The following ATP4A variants were observed in gnomAD, a reference collection of about 807,000 sequenced individuals.
ATP4A encodes potassium-transporting ATPase alpha chain 1.
ATP4A carries 73 observed loss-of-function variants against 112.1 expected under a neutral mutation model. That is an observed-to-expected ratio of 0.65 (90% CI 0.54 to 0.79). The LOEUF is 0.79. ATP4A is among the 30% of genes least tolerant of loss of function. The pLI is 0.00. For missense variants in ATP4A, 1,081 were observed against 1,425.9 expected, an observed-to-expected ratio of 0.76 and a Z score of 3.90; for synonymous variants, 588 against 588.9, an observed-to-expected ratio of 1.00 and a Z score of 0.02.
Position 35,555,485 on chromosome 19 carries a change from G to A in ATP4A, c.2112C>T (p.Thr704=), listed in dbSNP as rs746652807. The change falls in exon 14 of 22, where the codon ACC becomes ACT. Residue 704 remains threonine (T), a synonymous_variant. Transcript: ENST00000262623. This position sits in a 1 kb window ranked among gnomAD's most constrained non-coding sequence, Gnocchi z 6.6. ...CGATCACCAGCTTCTGCTGGGGGCT[G>A]GTGCGCGCAAACACCATCTCGGGGT... is the stretch of plus-strand genomic sequence containing the variant. ...RTHPEMVFAR[T]SPQQKLVIVE... 6 of 1,610,922 alleles carry A rather than the reference G, an allele frequency of 3.7e-6. No individual in the cohort carries two copies. Among genetic ancestry groups the A allele is most frequent in the Middle Eastern group, 1.6e-4 (1 of 6,076 alleles).
chr19:35,557,722 G>C lies in ATP4A; in HGVS notation c.1626C>G (p.Asp542Glu), dbSNP rs773688960. The C allele has an allele frequency of 6.2e-7, 1 of 1,607,678 alleles. No individual in the cohort carries two copies. The highest frequency in any genetic ancestry group is 8.5e-7 in the Non-Finnish European group (1 of 1,177,204). The stretch of plus-strand genomic sequence containing the variant: ...TCTGGAAGGCCTCGCGCCACTGCTC[G>C]TCCAGCGGCAGCTCCTGGCCCTTGA... ...ILIKGQELPL[D>E]EQWREAFQTA... is the part of the protein sequence containing the mutation. The change falls in exon 11 of 22, where the codon GAC becomes GAG. Residue 542 changes from aspartate (D) to glutamate (E), a missense_variant. This residue lies in a region of ATP4A where 850 missense variants were observed against 1,068.2 expected (regional missense o/e 0.80). Transcript: ENST00000262623. The surrounding 1 kb of genome is among the most constrained non-coding windows in gnomAD (Gnocchi z 4.4).
intron 18 of ATP4A, 24 bp downstream of exon 18, chr19:35,553,012 TG>T (rs1336101711): frequency 1.3e-6 from 2 of 1,562,572 alleles, no homozygotes; most frequent in African/African-American, 2.7e-5. Context: ...AGCCCAGGGA[TG>T]GGATGGGGCG....
Position 35,562,559 on chromosome 19 carries a change from T to C in ATP4A, c.296A>G (p.Glu99Gly), listed in dbSNP as rs2071677409. The change falls in exon 4 of 22, where the codon GAG (glutamate) becomes GGG (glycine). Residue 99 changes from glutamate (E) to glycine (G), a missense_variant. Physicochemically the swap from Glu to Gly is moderately conservative, Grantham distance 98. Coordinates refer to ENST00000262623, the MANE Select transcript of ATP4A (RefSeq NM_000704.3). ...NALRPPRGTPEYVKFARQLAG... is the reference protein window; with the variant it reads ...NALRPPRGTPGYVKFARQLAG... ...CAGCTGCCTCGCGAACTTGACGTAC[T>C]CTGGGGTGCCCCGTGGTGGCCGCAG... is the stretch of plus-strand genomic sequence containing the variant. 6 of 1,612,956 alleles carry C rather than the reference T, an allele frequency of 3.7e-6. No homozygotes were observed. The highest frequency in any genetic ancestry group is 5.1e-6 in the Non-Finnish European group (6 of 1,179,600).
At chr19:35,552,544 G>A (rs1240225800) in intron 18 of ATP4A, among the ~76,000 whole-genome samples, 1 of 152,218 alleles carries the variant, frequency 6.6e-6, no homozygotes, top group Admixed American at 6.5e-5. Context: ...GGGTTACACA[G>A]CTTGTGAGAA....
rs200145987 is a variant in ATP4A, at chr19:35,558,339, C to T, written c.1500+23G>A. The T allele has an allele frequency of 2.2e-4, 345 of 1,599,022 alleles. 1 individual carries two copies. In the African/African-American group the frequency reaches 4.2e-3, roughly 20 times the overall value. On this transcript the variant is annotated intron_variant, in intron 10 of 21. Coordinates refer to ENST00000262623, the MANE Select transcript of ATP4A (RefSeq NM_000704.3). The surrounding 1 kb of genome is among the most constrained non-coding windows in gnomAD (Gnocchi z 5.1). ...GGGCCCGAGGTGGGCGGGCCCAGGC[C>T]GTGGGCGGGGCCGGCTGCGCACCTG...
chr19:35,560,814 C>T lies in ATP4A; in HGVS notation c.534+5G>A. On this transcript the variant is annotated splice_donor_5th_base_variant and intron_variant, in intron 5 of 21. Coordinates refer to ENST00000262623, the MANE Select transcript of ATP4A (RefSeq NM_000704.3). This position sits in a 1 kb window ranked among gnomAD's most constrained non-coding sequence, Gnocchi z 5.1. ...TCTGGAGTGGCTGGGTGCTGGGGAA[C>T]CCACCTGTGGCACAAGGTTCTTAAA... 6.2e-7 allele frequency: 1 copy of T among 1,613,242 alleles called. No homozygotes were observed. Among genetic ancestry groups the T allele is most frequent in the South Asian group, 1.1e-5 (1 of 91,046 alleles).
Position 35,557,129 on chromosome 19 carries a change from A to G in ATP4A, c.1694-41T>C, listed in dbSNP as rs1204683908. The G allele has an allele frequency of 6.2e-7, 1 of 1,606,772 alleles. No homozygotes were observed. Among genetic ancestry groups the G allele is most frequent in the Non-Finnish European group, 8.5e-7 (1 of 1,175,648 alleles). ...GAAGTCAGGGAAGAGCCCTGGGCAC[A>G]CCCTTTCTTAGCAGGGCCAGGAAAT... On this transcript the variant is annotated intron_variant, in intron 11 of 21. Coordinates refer to ENST00000262623, the MANE Select transcript of ATP4A (RefSeq NM_000704.3). This position sits in a 1 kb window ranked among gnomAD's most constrained non-coding sequence, Gnocchi z 4.4.
chr19:35,551,296 A>C lies in ATP4A; in HGVS notation c.2885+151T>G. 1 of 1,306,266 alleles carries C rather than the reference A, an allele frequency of 7.7e-7. No individual in the cohort carries two copies. Among genetic ancestry groups the C allele is most frequent in the Non-Finnish European group, 1.1e-6 (1 of 947,856 alleles). 80.9% of individuals were successfully genotyped at this position (1,306,266 alleles called of 1,614,324 possible). On this transcript the variant is annotated intron_variant, in intron 19 of 21. Transcript: ENST00000262623. The surrounding 1 kb of genome is among the most constrained non-coding windows in gnomAD (Gnocchi z 5.2). ...GAAATGTGGAGGGGGCCGTGGGGGG[A>C]GTTATTGGCCAGTTAGAAAGGTTTT... is the stretch of plus-strand genomic sequence containing the variant.
Position 35,557,810 on chromosome 19 carries a change from C to G in ATP4A, c.1538G>C (p.Arg513Pro). ...GGCGCCCTTCATCACCAGCAAGTGT[C>G]GCGGGTCCCGCGGGTCCTCCAGCGT... ...IHTLEDPRDP[R>P]HLLVMKGAPE... Residue 513 changes from arginine to proline, a missense_variant, in exon 11 of 22, where the codon CGA becomes CCA. Arg to Pro is a moderately radical substitution (Grantham distance 103). Coordinates refer to ENST00000262623, the MANE Select transcript of ATP4A (RefSeq NM_000704.3). The surrounding 1 kb of genome is among the most constrained non-coding windows in gnomAD (Gnocchi z 4.4). 2 of 1,550,478 alleles carry G rather than the reference C, an allele frequency of 1.3e-6. No homozygotes were observed. Among genetic ancestry groups the G allele is most frequent in the Non-Finnish European group, 8.8e-7 (1 of 1,142,418 alleles).
chr19:35,553,006 C>T lies in ATP4A; in HGVS notation c.2751+31G>A, dbSNP rs1394012844. 1.3e-5 allele frequency: 21 copies of T among 1,558,634 alleles called. No homozygotes were observed. The East Asian group carries it at 4.9e-4, about 36-fold the overall frequency. On this transcript the variant is annotated intron_variant, in intron 18 of 21. Transcript: ENST00000262623. Reference sequence around the variant, plus strand: ...AAGTTGCCCTGGGAAGGAGGGAGCCCAGGGATGGGATGGGGCGGGGCAGGG... The same window carrying T: ...AAGTTGCCCTGGGAAGGAGGGAGCCTAGGGATGGGATGGGGCGGGGCAGGG...
At chr19:35,556,442 A>G (rs770027327) in intron 12 of ATP4A, among the ~76,000 whole-genome samples, 1 of 152,298 alleles carries the variant, frequency 6.6e-6, no homozygotes, top group African/African-American at 2.4e-5. Context: ...CCCCTACACC[A>G]TCAGTTGCAG....
chr19:35,552,055 T>C (rs968887543), intron 18 of ATP4A, among the ~76,000 whole-genome samples: 1 of 149,780 alleles, frequency 6.7e-6, no homozygotes, highest in African/African-American at 2.4e-5. Context: ...ACACAGCTAC[T>C]TTTTTTTTTG....
chr19:35,561,081 C>G (rs1431669984), intron 4 of ATP4A, 149 bp from the exon 5 acceptor site: 3 of 644,352 alleles, frequency 4.7e-6, no homozygotes, highest in Non-Finnish European at 8.3e-6. Flanking sequence ...TTCCCTGTAG[C>G]CTTTAGCCCC....
At chr19:35,556,757 G>A (rs1176266095) in intron 12 of ATP4A, among the ~76,000 whole-genome samples, 156 bp downstream of exon 12, 2 of 152,204 alleles carry the variant, frequency 1.3e-5, no homozygotes, top group African/African-American at 4.8e-5. Flanking sequence ...GATCTGGCTA[G>A]ACCTGAAGCT....
intron 3 of ATP4A, 41 bp downstream of exon 3, chr19:35,563,168 C>T (rs1417480329): frequency 1.2e-6 from 2 of 1,609,792 alleles, no homozygotes; most frequent in South Asian, 1.1e-5. Context: ...CCCTCCCTCT[C>T]TCCTCCTCCC....
chr19:35,557,710 G>A lies in ATP4A; in HGVS notation c.1638C>T (p.Arg546=), dbSNP rs1177080619. The A allele has an allele frequency of 3.7e-6, 6 of 1,608,406 alleles. No homozygotes were observed. In the African/African-American group the frequency reaches 4.0e-5, roughly 11 times the overall value. Residue 546 remains arginine, a synonymous_variant, in exon 11 of 22, where the codon CGC becomes CGT. Transcript: ENST00000262623. This position sits in a 1 kb window ranked among gnomAD's most constrained non-coding sequence, Gnocchi z 4.4. ...TGAGGTAGGCGGTCTGGAAGGCCTC[G>A]CGCCACTGCTCGTCCAGCGGCAGCT... The part of the protein sequence containing the change: ...GQELPLDEQW[R]EAFQTAYLSL...
chr19:35,563,355 G>T (rs1292263488), intron 2 of ATP4A, 29 bp downstream of exon 2: 1 of 1,593,042 alleles, frequency 6.3e-7, no homozygotes, highest in East Asian at 2.3e-5. Flanking sequence ...CTACCCTCCA[G>T]CTCCCGCCCC....
In ATP4A at chr19:35,555,458, C is replaced by A; in HGVS notation, c.2139G>T (p.Val713=). ...RTSPQQKLVI[V]ESCQRLGAIV... Reference sequence around the variant, plus strand: ...GGCTCACCAGCCGCTGGCAGCTCTCCACGATCACCAGCTTCTGCTGGGGGC... The same window carrying A: ...GGCTCACCAGCCGCTGGCAGCTCTCAACGATCACCAGCTTCTGCTGGGGGC... Residue 713 remains valine (V), a synonymous_variant, in exon 14 of 22, where the codon GTG becomes GTT. Coordinates refer to ENST00000262623, the MANE Select transcript of ATP4A (RefSeq NM_000704.3). The surrounding 1 kb of genome is among the most constrained non-coding windows in gnomAD (Gnocchi z 6.6). The A allele has an allele frequency of 6.2e-7, 1 of 1,612,250 alleles. No homozygotes were observed. Among genetic ancestry groups the A allele is most frequent in the South Asian group, 1.1e-5 (1 of 90,796 alleles).
rs1408172656 is a variant in ATP4A at position 35,553,824 on chromosome 19, T to C, written c.2487A>G (p.Pro829=). 6.3e-7 allele frequency: 1 copy of C among 1,574,986 alleles called. No homozygotes were observed. ...LFIELCTDIF[P]SVSLAYEKAE... is the part of the protein sequence containing the mutation. ...CCTTTTCATATGCCAGGGACACAGA[T>C]GGGAACTGGCCAGGAGTGGAAGGAA... Residue 829 remains proline (P), a synonymous_variant, in exon 17 of 22, where the codon CCA becomes CCG. Coordinates refer to ENST00000262623, the MANE Select transcript of ATP4A (RefSeq NM_000704.3).
Sources: allele counts gnomAD v4.1 joint callset (sites outside exome capture counted in the v4.1 genomes callset), GRCh38; gene constraint gnomAD v4.1.1; regional missense constraint gnomAD v4.1.1; non-coding constraint Gnocchi (gnomAD v3.1); transcripts MANE v1.5; gene names NCBI Gene and HGNC (gene_info 2026-07-23, HGNC 2026-07-21).